Variants in SPTLC3 observed in about 807,000 individuals in gnomAD.
The protein encoded by SPTLC3 is serine palmitoyltransferase 3.
SPTLC3 carries 36 observed loss-of-function variants against 59.3 expected under a neutral mutation model. The ratio of observed to expected loss-of-function variants is 0.61; its 90% CI spans 0.47 to 0.80. SPTLC3 has a LOEUF of 0.80. SPTLC3 is among the 30% of genes least tolerant of loss of function. The pLI, the probability that SPTLC3 is intolerant of heterozygous loss-of-function variation, is 0.00. For synonymous variants in SPTLC3, 257 were observed against 240.8 expected (o/e 1.07, Z -0.62); for missense variants, 625 against 685.1 (o/e 0.91, Z 0.98).
At chr20:13,080,666 A>G (rs1454389118) in intron 4 of SPTLC3, among the ~76,000 whole-genome samples, 1 of 152,164 alleles carries the variant, frequency 6.6e-6, no homozygotes, top group Non-Finnish European at 1.5e-5. Context: ...CCGTAGTTTC[A>G]AAGGAGTGAA....
chr20:13,051,298 A>C (rs1267559626), intron 2 of SPTLC3, among the ~76,000 whole-genome samples: 2 of 152,360 alleles, frequency 1.3e-5, no homozygotes, highest in East Asian at 3.9e-4. Context: ...AGCTATTCTA[A>C]TATCAGACAA....
chr20:13,164,232 G>C (rs1464984667), intron 11 of SPTLC3: 4 of 412,094 alleles, frequency 9.7e-6, no homozygotes, highest in Non-Finnish European at 2.0e-5. Flanking sequence ...GTCCCTGTGA[G>C]TTAAGTTCTA....
intron 7 of SPTLC3, among the ~76,000 whole-genome samples, chr20:13,116,248 ATAAT>A (rs1990541141): frequency 6.6e-6 from 1 of 152,200 alleles, no homozygotes; most frequent in Non-Finnish European, 1.5e-5. Flanking sequence ...AATCTAATAA[ATAAT>A]TAGGGGAAAA....
chr20:13,042,526 C>G (rs13044824), intron 1 of SPTLC3, among the ~76,000 whole-genome samples: 18,839 of 152,178 alleles, frequency 0.12, 1,595 homozygotes, highest in African/African-American at 0.24. Context: ...TCTACCCTAC[C>G]AGTGGGTGTT....
rs113062136 is a variant in SPTLC3 at position 13,136,604 on chromosome 20, C to CATATATATAT, written c.1279+9893_1279+9902dup. The stretch of plus-strand genomic sequence containing the variant: ...AACAGAGTGAGACCTCATCTAAAAA[C>CATATATATAT]ATATATATATATATAATATACATAT... On this transcript the variant is annotated intron_variant, in intron 9 of 11. Coordinates refer to ENST00000399002, the MANE Select transcript of SPTLC3 (RefSeq NM_018327.4). Among the ~76,000 whole-genome samples, 1,297 of 136,036 alleles carry CATATATATAT rather than the reference C, an allele frequency of 9.5e-3. 29 individuals carry two copies. The highest frequency in any genetic ancestry group is 0.031 in the African/African-American group (1,219 of 39,212). 89.2% of individuals were successfully genotyped at this position (136,036 alleles called of 152,430 possible). A position where few individuals can be genotyped will look rare whatever the true frequency, so the allele number is the denominator to read the frequency against.
chr20:13,111,167 A>C (rs1990211326), intron 7 of SPTLC3, among the ~76,000 whole-genome samples: 1 of 152,076 alleles, frequency 6.6e-6, no homozygotes, highest in Non-Finnish European at 1.5e-5. Context: ...TTCTGCCCCC[A>C]TGGTTAGGGT....
intron 9 of SPTLC3, among the ~76,000 whole-genome samples, chr20:13,137,982 C>T (rs2038288429): frequency 6.6e-6 from 1 of 152,154 alleles, no homozygotes; most frequent in Admixed American, 6.5e-5. Context: ...GGACTCAGAA[C>T]AGCTTGGGGA....
intron 1 of SPTLC3, among the ~76,000 whole-genome samples, chr20:13,020,473 A>G (rs533206271): frequency 6.6e-6 from 1 of 152,280 alleles, no homozygotes; most frequent in East Asian, 1.9e-4. Flanking sequence ...GGTTACCGTG[A>G]GCTGTGATTG....
chr20:13,158,787 C>T (rs1184540284), intron 10 of SPTLC3, among the ~76,000 whole-genome samples: 1 of 152,148 alleles, frequency 6.6e-6, no homozygotes, highest in Non-Finnish European at 1.5e-5. Context: ...CATCTGATAA[C>T]CTATGTTCTA....
intron 6 of SPTLC3, among the ~76,000 whole-genome samples, chr20:13,107,982 A>T (rs1472557778): frequency 1.3e-5 from 2 of 152,182 alleles, no homozygotes; most frequent in Non-Finnish European, 2.9e-5. Flanking sequence ...GAAGTCAAAT[A>T]GTGTATTAAC....
intron 8 of SPTLC3, among the ~76,000 whole-genome samples, chr20:13,125,177 C>G (rs897221323): frequency 6.6e-6 from 1 of 152,122 alleles, no homozygotes; most frequent in African/African-American, 2.4e-5. Flanking sequence ...CTCACCACTG[C>G]GGCATTAGAT....
intron 10 of SPTLC3, among the ~76,000 whole-genome samples, chr20:13,158,600 C>T (rs6041920): frequency 6.6e-6 from 1 of 152,156 alleles, no homozygotes; most frequent in Non-Finnish European, 1.5e-5. Context: ...CGTGGGCAGC[C>T]TTCCATAGGG....
intron 7 of SPTLC3, among the ~76,000 whole-genome samples, chr20:13,115,362 C>T (rs1297873311): frequency 1.3e-5 from 2 of 152,106 alleles, no homozygotes; most frequent in African/African-American, 4.8e-5. Flanking sequence ...AGTCATTAAT[C>T]TTAGAGGAAG....
intron 3 of SPTLC3, chr20:13,073,946 C>A: frequency 3.4e-6 from 2 of 586,766 alleles, no homozygotes; most frequent in South Asian, 1.4e-5. Context: ...GGAGGTGTGG[C>A]ACCTGAGTGG....
rs1192180018 is a variant in SPTLC3 at position 13,165,642 on chromosome 20, C to A, written c.*775C>A. On this transcript the variant is annotated 3_prime_UTR_variant, in exon 12 of 12. Coordinates refer to ENST00000399002, the MANE Select transcript of SPTLC3 (RefSeq NM_018327.4). ...GTCTAGACTAAAATGGTAGTTACAA[C>A]AATTTGAACCTTGTTGGTGCAGTGC... 6.6e-6 allele frequency: 1 copy of A among 152,196 alleles called. No homozygotes were observed. Among genetic ancestry groups the A allele is most frequent in the African/African-American group, 2.4e-5 (1 of 41,448 alleles). 9.4% of individuals were successfully genotyped at this position (152,196 alleles called of 1,614,324 possible). A position where few individuals can be genotyped will look rare whatever the true frequency, so the allele number is the denominator to read the frequency against.
intron 9 of SPTLC3, among the ~76,000 whole-genome samples, chr20:13,143,732 G>A (rs1242883332): frequency 6.6e-6 from 1 of 152,208 alleles, no homozygotes; most frequent in Non-Finnish European, 1.5e-5. Flanking sequence ...TGCCTTGGAT[G>A]GGGCTTCCTG....
At chr20:13,159,936 T>C (rs1440783996) in intron 10 of SPTLC3, 67 bp from the exon 11 acceptor site, 7 of 1,444,682 alleles carry the variant, frequency 4.8e-6, no homozygotes, top group Non-Finnish European at 6.4e-6. Flanking sequence ...ATTCCTTTTT[T>C]GTCAGGATAA....
chr20:13,071,125 G>T (rs1988419637), intron 2 of SPTLC3, among the ~76,000 whole-genome samples: 1 of 152,136 alleles, frequency 6.6e-6, no homozygotes, highest in Non-Finnish European at 1.5e-5. Flanking sequence ...CTTCTTGTTT[G>T]CTCCAAGAAT....
At chr20:13,101,357 T>C (rs1989594113) in intron 6 of SPTLC3, among the ~76,000 whole-genome samples, 1 of 152,188 alleles carries the variant, frequency 6.6e-6, no homozygotes, top group African/African-American at 2.4e-5. Context: ...TGCCAGGCCA[T>C]ATGTAGGAGT....
Sources: allele counts gnomAD v4.1 joint callset (sites outside exome capture counted in the v4.1 genomes callset), GRCh38; gene constraint gnomAD v4.1.1; transcripts MANE v1.5; gene names NCBI Gene and HGNC (gene_info 2026-07-23, HGNC 2026-07-21).